The following DLG2 variants were observed in gnomAD, a reference collection of about 807,000 sequenced individuals.
The protein encoded by DLG2 is discs large MAGUK scaffold protein 2.
DLG2 carries 45 observed loss-of-function variants against 132.5 expected under a neutral mutation model. The ratio of observed to expected loss-of-function variants is 0.34; its 90% CI spans 0.27 to 0.44. DLG2 has a LOEUF of 0.44. Ranked by LOEUF, DLG2 falls within the 20% of genes least tolerant of loss-of-function variation. The pLI, the probability that DLG2 is intolerant of heterozygous loss-of-function variation, is 1.00. For synonymous variants in DLG2, 424 were observed against 419.6 expected (o/e 1.01, Z -0.13); for missense variants, 1,045 against 1,196.9 (o/e 0.87, Z 1.87).
rs1491502023 is a variant in DLG2, at chr11:84,714,622, T to TG, written c.358-179892_358-179891insC. Reference sequence around the variant, plus strand: ...CTTTCTCTTTCTCTTTCTCTTTCTCTTTCTCTCTCTCTCTCTCTCTCTCTT... The same window carrying TG: ...CTTTCTCTTTCTCTTTCTCTTTCTCTGTTCTCTCTCTCTCTCTCTCTCTCTT... On this transcript the variant is annotated intron_variant, in intron 6 of 27. Transcript: ENST00000376104. Among the ~76,000 whole-genome samples the TG allele has an allele frequency of 3.0e-4, 34 of 115,210 alleles. 1 individual carries two copies. The highest frequency in any genetic ancestry group is 1.4e-3 in the African/African-American group (34 of 24,208). 75.6% of individuals were successfully genotyped at this position (115,210 alleles called of 152,430 possible).
chr11:84,607,006 C>A (rs569174453), intron 6 of DLG2, among the ~76,000 whole-genome samples: 3 of 152,096 alleles, frequency 2.0e-5, no homozygotes, highest in African/African-American at 4.8e-5. Context: ...CTTTTTAATT[C>A]TTTCTCCATA....
chr11:85,416,093 T>C (rs1369832160), intron 3 of DLG2, among the ~76,000 whole-genome samples: 2 of 152,250 alleles, frequency 1.3e-5, no homozygotes, highest in African/African-American at 2.4e-5. Flanking sequence ...CGCATATGGC[T>C]AGCCAGTTTT....
At chr11:83,837,085 G>A (rs899165992) in intron 16 of DLG2, among the ~76,000 whole-genome samples, 1 of 152,166 alleles carries the variant, frequency 6.6e-6, no homozygotes, top group Non-Finnish European at 1.5e-5. Flanking sequence ...TTGCATGGGG[G>A]TAGGAGTTCA....
chr11:84,745,026 GA>G (rs575366388), intron 6 of DLG2, among the ~76,000 whole-genome samples: 489 of 144,450 alleles, frequency 3.4e-3, no homozygotes, highest in Non-Finnish European at 5.8e-3. Context: ...GAATAAAGGT[GA>G]AAAAAAAAAC....
chr11:84,095,891 C>A (rs957501266), intron 10 of DLG2, among the ~76,000 whole-genome samples: 2 of 152,106 alleles, frequency 1.3e-5, no homozygotes. Flanking sequence ...AGGCAATATT[C>A]ATATACACAG....
At chr11:85,357,934 G>T in intron 3 of DLG2, among the ~76,000 whole-genome samples, 1 of 151,380 alleles carries the variant, frequency 6.6e-6, no homozygotes, top group East Asian at 2.0e-4. Context: ...ATTCAAATCA[G>T]GCAGTCTGCC....
chr11:84,502,265 T>G (rs1405998702), intron 7 of DLG2, among the ~76,000 whole-genome samples: 6 of 57,148 alleles, frequency 1.0e-4, no homozygotes, highest in Admixed American at 1.3e-4. Flanking sequence ...CTTCCTTCCT[T>G]CCTTCCTTCC....
chr11:85,473,881 G>C (rs1406638779), intron 3 of DLG2, among the ~76,000 whole-genome samples: 3 of 151,710 alleles, frequency 2.0e-5, no homozygotes, highest in Non-Finnish European at 4.4e-5. Context: ...TGATCAATCT[G>C]ATACAAAGCA....
rs140392894 is a variant in DLG2, at chr11:83,995,327, G to C, written c.920-14685C>G. 2.6e-5 allele frequency among the ~76,000 whole-genome samples: 4 copies of C among 152,254 alleles called. No homozygotes were observed. The South Asian group carries it at 8.3e-4, about 32-fold the overall frequency. ...ACTTCCAGGAGATAATGACAGTCAA[G>C]TGCAAGTCCACATGTAGAAATAGAG... is the stretch of plus-strand genomic sequence containing the variant. On this transcript the variant is annotated intron_variant, in intron 11 of 27. Coordinates refer to ENST00000376104, the MANE Select transcript of DLG2 (RefSeq NM_001142699.3).
chr11:85,610,683 C>T lies in DLG2; in HGVS notation c.-92-11895G>A, dbSNP rs139198128. On this transcript the variant is annotated intron_variant, in intron 2 of 27. Coordinates refer to ENST00000376104, the MANE Select transcript of DLG2 (RefSeq NM_001142699.3). ...CTCATGCCAACAGGCTACTCTAGAT[C>T]TCTTGAACTTTCTAGCTAATCAAGG... 3.0e-4 allele frequency among the ~76,000 whole-genome samples: 46 copies of T among 152,354 alleles called. No homozygotes were observed. In the East Asian group the frequency reaches 7.7e-3, roughly 26 times the overall value.
At chr11:85,126,305 C>T (rs935544544) in intron 5 of DLG2, among the ~76,000 whole-genome samples, 2 of 152,036 alleles carry the variant, frequency 1.3e-5, no homozygotes, top group South Asian at 2.1e-4. Context: ...AAAAGAGAAT[C>T]GTATACTTTG....
chr11:84,453,112 A>G (rs551822376), intron 7 of DLG2, among the ~76,000 whole-genome samples: 1 of 151,738 alleles, frequency 6.6e-6, no homozygotes, highest in East Asian at 1.9e-4. Flanking sequence ...GGTTCTGGAC[A>G]TGTTAACTTG....
At chr11:84,498,704 T>A (rs2099192995) in intron 7 of DLG2, among the ~76,000 whole-genome samples, 1 of 152,184 alleles carries the variant, frequency 6.6e-6, no homozygotes, top group Non-Finnish European at 1.5e-5. Flanking sequence ...CCTACAAATC[T>A]TACTTCCTAG....
intron 4 of DLG2, among the ~76,000 whole-genome samples, chr11:85,184,807 G>C (rs2079977690): frequency 6.6e-6 from 1 of 151,718 alleles, no homozygotes. Context: ...CAAGTTACCA[G>C]TTTCCAGTAG....
At chr11:84,996,821 A>C (rs1363843172) in intron 6 of DLG2, among the ~76,000 whole-genome samples, 2 of 152,184 alleles carry the variant, frequency 1.3e-5, no homozygotes, top group Admixed American at 6.6e-5. Flanking sequence ...GTGAAATCTA[A>C]TTAGGAAGAA....
At chr11:85,420,975 T>A (rs1216333648) in intron 3 of DLG2, among the ~76,000 whole-genome samples, 1 of 152,024 alleles carries the variant, frequency 6.6e-6, no homozygotes, top group East Asian at 1.9e-4. Flanking sequence ...CCAGGTGCCA[T>A]TGGGGTATTA....
chr11:84,944,243 C>T (rs1311018894), intron 6 of DLG2, among the ~76,000 whole-genome samples: 1 of 152,062 alleles, frequency 6.6e-6, no homozygotes, highest in Non-Finnish European at 1.5e-5. Context: ...GTTCTACAAC[C>T]TTCTTGGACT....
intron 3 of DLG2, among the ~76,000 whole-genome samples, chr11:85,597,901 T>TC (rs2079885350): frequency 6.6e-6 from 1 of 151,628 alleles, no homozygotes; most frequent in Non-Finnish European, 1.5e-5. Context: ...AGTTGGTTGT[T>TC]TTTTTGGGAA....
At chr11:85,012,033 C>A (rs2059184042) in intron 6 of DLG2, among the ~76,000 whole-genome samples, 1 of 152,008 alleles carries the variant, frequency 6.6e-6, no homozygotes, top group Non-Finnish European at 1.5e-5. Context: ...CATTAAAATA[C>A]AATGTGGGCC....
Sources: allele counts gnomAD v4.1 joint callset (sites outside exome capture counted in the v4.1 genomes callset), GRCh38; gene constraint gnomAD v4.1.1; transcripts MANE v1.5; gene names NCBI Gene and HGNC (gene_info 2026-07-23, HGNC 2026-07-21).